RALGAPA1: variants seen among roughly 807,000 people sequenced by gnomAD.
RALGAPA1 encodes the protein ral GTPase-activating protein subunit alpha-1.
In RALGAPA1, 52 loss-of-function variants were observed where a neutral mutation model predicts 269.6. The observed-to-expected ratio is 0.19, with a 90% CI of 0.15 to 0.24. RALGAPA1 has a LOEUF of 0.24. RALGAPA1 is among the 10% of genes least tolerant of loss of function. The probability of loss-of-function intolerance (pLI) is 1.00; values close to 1 mark genes in which losing one functional copy is unlikely to be tolerated. For synonymous variants in RALGAPA1, 817 were observed against 1,008.3 expected, an observed-to-expected ratio of 0.81 and a Z score of 3.60; for missense variants, 1,917 against 3,013.9, an observed-to-expected ratio of 0.64 and a Z score of 8.52.
intron 27 of RALGAPA1, among the ~76,000 whole-genome samples, chr14:35,659,477 A>G (rs79760102): frequency 0.017 from 2,578 of 152,204 alleles, 67 homozygotes; most frequent in African/African-American, 0.057. Flanking sequence ...GATTTTTAAG[A>G]TTTTGAGAAA....
intron 3 of RALGAPA1, 28 bp from the exon 4 acceptor site, chr14:35,771,027 GA>G (rs1316278223): frequency 9.5e-7 from 1 of 1,047,422 alleles, no homozygotes. Flanking sequence ...GAGAAAAAAA[GA>G]AAAGAATAAA....
chr14:35,706,811 G>A (rs1434624948), intron 16 of RALGAPA1: 2 of 151,762 alleles, frequency 1.3e-5, no homozygotes, highest in Non-Finnish European at 2.9e-5. Flanking sequence ...GTAGAGACAG[G>A]TTTTGCCATG....
intron 35 of RALGAPA1, among the ~76,000 whole-genome samples, chr14:35,610,986 A>C (rs1053723314): frequency 2.6e-5 from 4 of 152,346 alleles, no homozygotes; most frequent in Middle Eastern, 6.8e-3. Flanking sequence ...AAAGATCTAC[A>C]TTAAAAAAAA....
chr14:35,567,290 A>G (rs2056791266), intron 39 of RALGAPA1, among the ~76,000 whole-genome samples: 1 of 152,142 alleles, frequency 6.6e-6, no homozygotes, highest in Admixed American at 6.6e-5. Context: ...TCAACCTACC[A>G]ATCAACCAAA....
At chr14:35,718,632 A>G (rs1161058400) in intron 16 of RALGAPA1, among the ~76,000 whole-genome samples, 3 of 152,008 alleles carry the variant, frequency 2.0e-5, no homozygotes, top group Non-Finnish European at 4.4e-5. Flanking sequence ...CCTGGCCAAC[A>G]TGGTGAAACT....
chr14:35,579,681 G>A (rs972832129), intron 37 of RALGAPA1, among the ~76,000 whole-genome samples: 2 of 150,530 alleles, frequency 1.3e-5, no homozygotes, highest in African/African-American at 4.9e-5. Flanking sequence ...AACATTTACT[G>A]TGGTAAGATA....
At chr14:35,553,006 T>C (rs565678933) in intron 39 of RALGAPA1, among the ~76,000 whole-genome samples, 3 of 152,322 alleles carry the variant, frequency 2.0e-5, no homozygotes, top group Admixed American at 6.5e-5. Flanking sequence ...CCTGGAAAGA[T>C]AAGCATAAAT....
chr14:35,734,694 A>G (rs1435244203), intron 12 of RALGAPA1, among the ~76,000 whole-genome samples: 1 of 152,220 alleles, frequency 6.6e-6, no homozygotes, highest in African/African-American at 2.4e-5. Context: ...ACAAAGATAA[A>G]CAGCTGGGAC....
At chr14:35,708,174 G>C (rs1340295967) in intron 16 of RALGAPA1, among the ~76,000 whole-genome samples, 2 of 151,930 alleles carry the variant, frequency 1.3e-5, no homozygotes, top group East Asian at 3.9e-4. Flanking sequence ...AAAACTTTGG[G>C]GAAACTCTCC....
chr14:35,782,998 T>G (rs2075559215), intron 1 of RALGAPA1, among the ~76,000 whole-genome samples: 1 of 151,932 alleles, frequency 6.6e-6, no homozygotes, highest in Non-Finnish European at 1.5e-5. Flanking sequence ...ATTTTTTAAA[T>G]TTTTTGTAGA....
At chr14:35,761,089 T>C (rs2073659477) in intron 5 of RALGAPA1, 83 bp from the exon 6 acceptor site, 11 of 1,030,520 alleles carry the variant, frequency 1.1e-5, no homozygotes, top group Non-Finnish European at 1.4e-5. Flanking sequence ...CTCTAGATGA[T>C]GACAACAGAA....
chr14:35,768,480 G>A (rs141841002), intron 4 of RALGAPA1, among the ~76,000 whole-genome samples: 1,923 of 152,090 alleles, frequency 0.013, 18 homozygotes, highest in Non-Finnish European at 0.02. Flanking sequence ...GCTTGAAGCC[G>A]GAGGTTTGAG....
At chr14:35,612,735 T>C (rs2060030450) in intron 35 of RALGAPA1, among the ~76,000 whole-genome samples, 1 of 152,060 alleles carries the variant, frequency 6.6e-6, no homozygotes, top group Admixed American at 6.6e-5. Flanking sequence ...AGATGGGGTT[T>C]CACCATGTTA....
At chr14:35,694,218 A>T (rs758613974) in intron 17 of RALGAPA1, among the ~76,000 whole-genome samples, 1 of 152,168 alleles carries the variant, frequency 6.6e-6, no homozygotes, top group Admixed American at 6.5e-5. Flanking sequence ...TCAAGGGCCA[A>T]AATCCCCTTT....
chr14:35,678,640 C>T (rs747964648), intron 21 of RALGAPA1, among the ~76,000 whole-genome samples: 1 of 152,030 alleles, frequency 6.6e-6, no homozygotes, highest in Non-Finnish European at 1.5e-5. Flanking sequence ...TTCAGTGGCC[C>T]CTCACTGGCC....
chr14:35,587,914 T>C (rs2058405659), intron 37 of RALGAPA1, among the ~76,000 whole-genome samples: 1 of 147,438 alleles, frequency 6.8e-6, no homozygotes, highest in South Asian at 2.1e-4. Context: ...AACCCTTTTA[T>C]TTTATTTTTT....
chr14:35,594,907 A>G (rs2058839988), intron 37 of RALGAPA1, among the ~76,000 whole-genome samples: 1 of 152,058 alleles, frequency 6.6e-6, no homozygotes, highest in African/African-American at 2.4e-5. Flanking sequence ...CTGTCCATCA[A>G]TGTACAAATT....
intron 1 of RALGAPA1, among the ~76,000 whole-genome samples, chr14:35,795,852 A>C (rs2141852539): frequency 6.6e-6 from 1 of 151,308 alleles, no homozygotes; most frequent in African/African-American, 2.4e-5. Flanking sequence ...GTGTGGTGGC[A>C]TGCACCTGTA....
chr14:35,677,718 G>A, intron 22 of RALGAPA1: 2 of 446,584 alleles, frequency 4.5e-6, no homozygotes, highest in Non-Finnish European at 7.8e-6. Context: ...TGAAAATAAT[G>A]CAATAACTAA....
Sources: allele counts gnomAD v4.1 joint callset (sites outside exome capture counted in the v4.1 genomes callset), GRCh38; gene constraint gnomAD v4.1.1; transcripts MANE v1.5; gene names NCBI Gene and HGNC (gene_info 2026-07-23, HGNC 2026-07-21).